The following CLIC4 variants were observed in gnomAD, a reference collection of about 807,000 sequenced individuals.
CLIC4 encodes chloride intracellular channel protein 4.
CLIC4 carries 13 observed loss-of-function variants against 24.6 expected under a neutral mutation model. The ratio of observed to expected loss-of-function variants is 0.53; its 90% CI spans 0.34 to 0.84. The LOEUF is 0.84. CLIC4 is among the 40% of genes least tolerant of loss of function. The pLI, the probability that CLIC4 is intolerant of heterozygous loss-of-function variation, is 0.01. For missense variants in CLIC4, 227 were observed against 301.7 expected (o/e 0.75, Z 1.83); for synonymous variants, 104 against 111.3 (o/e 0.93, Z 0.41).
rs571977052 is a variant in CLIC4, at chr1:24,813,543, C to T, written c.183-551C>T. ...AAGTGATCCTCCTTCCTCAGCCTCCCAAGTAGCTGGAACTACAGGTGCGCA... is the reference window on the plus strand; with the variant it reads ...AAGTGATCCTCCTTCCTCAGCCTCCTAAGTAGCTGGAACTACAGGTGCGCA... On this transcript the variant is annotated intron_variant, in intron 2 of 5. Coordinates refer to ENST00000374379, the MANE Select transcript of CLIC4 (RefSeq NM_013943.3). 2.6e-5 allele frequency among the ~76,000 whole-genome samples: 4 copies of T among 151,708 alleles called. No individual in the cohort carries two copies. In the East Asian group the frequency reaches 7.8e-4, roughly 30 times the overall value.
At chr1:24,795,943 C>G (rs542697740) in intron 1 of CLIC4, among the ~76,000 whole-genome samples, 2 of 152,068 alleles carry the variant, frequency 1.3e-5, no homozygotes, top group Non-Finnish European at 2.9e-5. Flanking sequence ...CTTTGCCTTA[C>G]GAAGAATACT....
At chr1:24,751,816 A>G (rs1638780590) in intron 1 of CLIC4, among the ~76,000 whole-genome samples, 1 of 152,222 alleles carries the variant, frequency 6.6e-6, no homozygotes. Flanking sequence ...GTGAGCCGAG[A>G]TTGTGCCATT....
intron 1 of CLIC4, among the ~76,000 whole-genome samples, chr1:24,775,936 T>C (rs1639135712): frequency 6.6e-6 from 1 of 152,100 alleles, no homozygotes; most frequent in Non-Finnish European, 1.5e-5. Context: ...AATTTATATA[T>C]ATAAATTTTG....
At chr1:24,809,958 GT>G (rs1639595190) in intron 2 of CLIC4, among the ~76,000 whole-genome samples, 1 of 152,178 alleles carries the variant, frequency 6.6e-6, no homozygotes, top group Non-Finnish European at 1.5e-5. Flanking sequence ...AATTATGAAA[GT>G]TTTCAAACAT....
intron 2 of CLIC4, among the ~76,000 whole-genome samples, chr1:24,808,664 T>C (rs1012460329): frequency 2.8e-5 from 4 of 143,834 alleles, no homozygotes; most frequent in African/African-American, 1.0e-4. Flanking sequence ...GAGATCTATC[T>C]ATCTATCTAT....
intron 1 of CLIC4, among the ~76,000 whole-genome samples, chr1:24,757,600 C>T (rs1171202937): frequency 1.3e-5 from 2 of 151,896 alleles, no homozygotes; most frequent in Non-Finnish European, 2.9e-5. Context: ...GTGAACCAAA[C>T]TAGATTATTG....
intron 1 of CLIC4, among the ~76,000 whole-genome samples, chr1:24,750,436 C>CTTTCTTT (rs1553188418): frequency 7.3e-6 from 1 of 137,514 alleles, no homozygotes; most frequent in African/African-American, 2.7e-5. Context: ...TTCTTTCTTT[C>CTTTCTTT]TTTTTTTTTT....
rs1639967130 is a variant in CLIC4 at position 24,843,826 on chromosome 1, A to G, written c.*2889A>G. 1 of 152,648 alleles carries G rather than the reference A, an allele frequency of 6.6e-6. No homozygotes were observed. The highest frequency in any genetic ancestry group is 1.5e-5 in the Non-Finnish European group (1 of 68,028). The allele number at this position is 152,648 out of a possible 1,614,324, so 9.5% of individuals were successfully genotyped here. ...CTCTCCAGAGTTGCATGTAGATAGC[A>G]TTTATTTCTGTGCCCTTAAACCCAT... On this transcript the variant is annotated 3_prime_UTR_variant, in exon 6 of 6. Coordinates refer to ENST00000374379, the MANE Select transcript of CLIC4 (RefSeq NM_013943.3).
At chr1:24,780,250 C>A (rs1290311596) in intron 1 of CLIC4, among the ~76,000 whole-genome samples, 1 of 152,194 alleles carries the variant, frequency 6.6e-6, no homozygotes, top group Non-Finnish European at 1.5e-5. Context: ...AAGTAACTTA[C>A]CCAATATCAC....
intron 1 of CLIC4, among the ~76,000 whole-genome samples, chr1:24,785,854 C>CAAAAAAA (rs61009244): frequency 2.7e-3 from 160 of 58,834 alleles, no homozygotes; most frequent in African/African-American, 4.6e-3. Flanking sequence ...GACTACAACT[C>CAAAAAAA]AAAAAAAAAA....
At chr1:24,818,082 T>A (rs4233040) in intron 3 of CLIC4, among the ~76,000 whole-genome samples, 1 of 152,142 alleles carries the variant, frequency 6.6e-6, no homozygotes, top group Non-Finnish European at 1.5e-5. Flanking sequence ...TTTTGAAATA[T>A]TGCGAAAAAT....
intron 1 of CLIC4, among the ~76,000 whole-genome samples, chr1:24,775,203 T>C (rs1051917544): frequency 2.0e-5 from 3 of 150,752 alleles, no homozygotes; most frequent in African/African-American, 4.9e-5. Flanking sequence ...GAAGATTTTC[T>C]TTTTCTTCCT....
At chr1:24,769,690 A>T (rs541340807) in intron 1 of CLIC4, among the ~76,000 whole-genome samples, 26 of 152,226 alleles carry the variant, frequency 1.7e-4, no homozygotes, top group African/African-American at 6.3e-4. Flanking sequence ...TAGTGAGCCT[A>T]GATGGTTCAT....
intron 2 of CLIC4, among the ~76,000 whole-genome samples, chr1:24,812,805 G>A (rs745953980): frequency 3.7e-4 from 56 of 151,884 alleles, no homozygotes; most frequent in Non-Finnish European, 7.4e-4. Context: ...TGTAACCTCC[G>A]CCTCCCGGGT....
In CLIC4 at chr1:24,769,091, T is replaced by C. The variant is rs193160560; in HGVS notation, c.72+23466T>C. The stretch of plus-strand genomic sequence containing the variant: ...TAGTGAGCCACTCTGATTGCACCAC[T>C]CCACTCCAGCCTGGGTGGCAGAGTG... On this transcript the variant is annotated intron_variant, in intron 1 of 5. Coordinates refer to ENST00000374379, the MANE Select transcript of CLIC4 (RefSeq NM_013943.3). 4.6e-5 allele frequency among the ~76,000 whole-genome samples: 7 copies of C among 152,102 alleles called. No individual in the cohort carries two copies. The East Asian group carries it at 1.4e-3, about 29-fold the overall frequency.
chr1:24,813,146 C>T (rs548569797), intron 2 of CLIC4, among the ~76,000 whole-genome samples: 5 of 149,102 alleles, frequency 3.4e-5, no homozygotes, highest in East Asian at 2.0e-4. Flanking sequence ...GGGATTCAAG[C>T]GATTCTCCTG....
At chr1:24,812,626 A>G (rs969390822) in intron 2 of CLIC4, among the ~76,000 whole-genome samples, 28 of 152,160 alleles carry the variant, frequency 1.8e-4, no homozygotes, top group Non-Finnish European at 3.1e-4. Flanking sequence ...TAAAAAAAAA[A>G]TCAAAGCATT....
At chr1:24,772,688 C>G (rs1205599321) in intron 1 of CLIC4, among the ~76,000 whole-genome samples, 1 of 152,124 alleles carries the variant, frequency 6.6e-6, no homozygotes, top group East Asian at 1.9e-4. Flanking sequence ...GTTTCACCAT[C>G]TTGGCCAGGC....
At chr1:24,798,137 T>C (rs1043546026) in intron 2 of CLIC4, among the ~76,000 whole-genome samples, 18 of 152,170 alleles carry the variant, frequency 1.2e-4, no homozygotes, top group African/African-American at 3.4e-4. Flanking sequence ...CCTTGACTTC[T>C]TTTTTCCAGT....
Sources: gnomAD v4.1 joint callset for allele counts (sites outside exome capture counted in the v4.1 genomes callset) on GRCh38, gnomAD v4.1.1 for gene constraint, MANE v1.5 for transcripts, NCBI Gene and HGNC (gene_info 2026-07-23, HGNC 2026-07-21) for gene names.